CPNE2: variants seen among roughly 807,000 people sequenced by gnomAD.
CPNE2 encodes copine 2, also known as copine-2.
Under a neutral mutation model 69.7 loss-of-function variants are expected in CPNE2, and 42 were observed. The ratio of observed to expected loss-of-function variants is 0.60; its 90% CI spans 0.47 to 0.78. The LOEUF (loss-of-function observed/expected upper bound fraction) is 0.78, where lower values mean the gene tolerates loss of function less well. Among genes scored for constraint, CPNE2 ranks in the 30% least tolerant of loss-of-function variants. The pLI, the probability that CPNE2 is intolerant of heterozygous loss-of-function variation, is 0.00. For synonymous variants in CPNE2, 294 were observed against 289.8 expected (o/e 1.01, Z -0.15); for missense variants, 587 against 732.0 (o/e 0.80, Z 2.29).
At chr16:57,103,824 A>G (rs941539130) in intron 1 of CPNE2, among the ~76,000 whole-genome samples, 7 of 152,218 alleles carry the variant, frequency 4.6e-5, no homozygotes, top group African/African-American at 1.7e-4. Flanking sequence ...GCCATTAAGA[A>G]TCACTGATCA....
intron 14 of CPNE2, among the ~76,000 whole-genome samples, chr16:57,138,548 C>G (rs540403711): frequency 2.0e-5 from 3 of 152,302 alleles, no homozygotes; most frequent in Admixed American, 6.5e-5. Context: ...CACCTAACCC[C>G]CCGTGTGTTC....
chr16:57,132,999 G>C (rs1295141950), intron 12 of CPNE2, among the ~76,000 whole-genome samples: 1 of 152,108 alleles, frequency 6.6e-6, no homozygotes, highest in African/African-American at 2.4e-5. Flanking sequence ...CTATCAGCAG[G>C]GGGCTTTCCC....
At chr16:57,140,539 A>G (rs1371367063) in intron 14 of CPNE2, among the ~76,000 whole-genome samples, 6 of 151,608 alleles carry the variant, frequency 4.0e-5, no homozygotes. Flanking sequence ...TGCAGGCTTA[A>G]TGGGCAGTAA....
chr16:57,133,754 C>T (rs2069856014), intron 12 of CPNE2, among the ~76,000 whole-genome samples: 2 of 152,170 alleles, frequency 1.3e-5, no homozygotes, highest in South Asian at 2.1e-4. Flanking sequence ...CAGCTCTGCC[C>T]GCCAGGAAAT....
At chr16:57,103,522 GCTC>G (rs1179677619) in intron 1 of CPNE2, among the ~76,000 whole-genome samples, 1 of 152,210 alleles carries the variant, frequency 6.6e-6, no homozygotes, top group Non-Finnish European at 1.5e-5. Flanking sequence ...TGTGGTCCCA[GCTC>G]CTCCTCTCCA....
In CPNE2 at chr16:57,132,306, C is replaced by G. The variant is rs78894112; in HGVS notation, c.1117-2469C>G. ...CTTTGGAGATGGCATGAGGTCTTGG[C>G]CCTTCAACGTGAGCAGAGTTACTCA... On this transcript the variant is annotated intron_variant, in intron 12 of 15. Transcript: ENST00000290776. Among the ~76,000 whole-genome samples the G allele has an allele frequency of 9.2e-5, 14 of 152,274 alleles. No homozygotes were observed. The East Asian group carries it at 2.1e-3, about 23-fold the overall frequency.
Position 57,147,941 on chromosome 16 carries a change from T to C in CPNE2, c.*283T>C. ...TGTATAATTTTAGTGGAATTGTTAT[T>C]GAGAATAAAATTTTTACAATCATAA... On this transcript the variant is annotated 3_prime_UTR_variant, in exon 16 of 16. Transcript: ENST00000290776. The C allele has an allele frequency of 3.2e-6, 1 of 317,416 alleles. No homozygotes were observed. The highest frequency in any genetic ancestry group is 5.1e-5 in the East Asian group (1 of 19,546). The allele number at this position is 317,416 out of a possible 1,614,324, so 19.7% of individuals were successfully genotyped here. A position where few individuals can be genotyped will look rare whatever the true frequency, so the allele number is the denominator to read the frequency against.
At position 57,117,574 on chromosome 16, in the gene CPNE2, C is replaced by T. The variant is rs562944644; in HGVS notation, c.507+7C>T. On this transcript the variant is annotated splice_region_variant and intron_variant, in intron 5 of 15. Coordinates refer to ENST00000290776, the MANE Select transcript of CPNE2 (RefSeq NM_152727.6). ...CAGGAGGCTGGACAAGAAGGTAAGGCGGGCAGAGGAAGGGCTCCCATTGGG... is the reference window on the plus strand; with the variant it reads ...CAGGAGGCTGGACAAGAAGGTAAGGTGGGCAGAGGAAGGGCTCCCATTGGG... 68 of 1,613,118 alleles carry T rather than the reference C, an allele frequency of 4.2e-5. 1 individual carries two copies. In the South Asian group the frequency reaches 4.3e-4, roughly 10 times the overall value.
chr16:57,099,785 T>A (rs2069601778), intron 1 of CPNE2, among the ~76,000 whole-genome samples: 1 of 149,806 alleles, frequency 6.7e-6, no homozygotes, highest in Non-Finnish European at 1.5e-5. Flanking sequence ...ATTTTTTTTT[T>A]TTTTTTTTTT....
intron 10 of CPNE2, 142 bp from the exon 11 acceptor site, chr16:57,125,718 A>G: frequency 1.0e-6 from 1 of 986,820 alleles, no homozygotes; most frequent in Non-Finnish European, 1.5e-6. Context: ...GAGCATTTCT[A>G]GGTTTCAGAC....
chr16:57,119,107 G>A (rs2305698), intron 5 of CPNE2, 88 bp from the exon 6 acceptor site: 46,788 of 1,173,732 alleles, frequency 0.04, 1,672 homozygotes, highest in South Asian at 0.14. Context: ...CCTGACACCC[G>A]GCTGGGGAGG....
intron 13 of CPNE2, 24 bp downstream of exon 13, chr16:57,134,850 C>T (rs746163875): frequency 4.3e-6 from 7 of 1,613,430 alleles, no homozygotes; most frequent in Non-Finnish European, 5.9e-6. Flanking sequence ...CCACCTGCAG[C>T]TGCCCTGTGT....
At position 57,121,566 on chromosome 16, in the gene CPNE2, C is replaced by T. The variant is rs143251264; in HGVS notation, c.781-108C>T. The T allele has an allele frequency of 7.4e-4, 793 of 1,073,332 alleles. 8 individuals carry two copies. In the African/African-American group the frequency reaches 0.011, roughly 15 times the overall value. 66.5% of individuals were successfully genotyped at this position (1,073,332 alleles called of 1,614,324 possible). On this transcript the variant is annotated intron_variant, in intron 8 of 15. Coordinates refer to ENST00000290776, the MANE Select transcript of CPNE2 (RefSeq NM_152727.6). Reference sequence around the variant, plus strand: ...ATCCTGGGAGGCTCCCTGGAGGAAGCATGCTGCCCCCATTGTCAAGCCTGT... The same window carrying T: ...ATCCTGGGAGGCTCCCTGGAGGAAGTATGCTGCCCCCATTGTCAAGCCTGT...
Position 57,119,572 on chromosome 16 carries a change from C to T in CPNE2, c.603C>T (p.Tyr201=), listed in dbSNP as rs1400260893. 2 of 1,612,424 alleles carry T rather than the reference C, an allele frequency of 1.2e-6. No homozygotes were observed. The highest frequency in any genetic ancestry group is 1.3e-5 in the African/African-American group (1 of 74,900). ...MLVHRTEVIK[Y]TLDPVWKPFT... is the part of the protein sequence containing the mutation. ...TCTCTGTCCCACAGGTGATCAAGTACACACTGGACCCTGTGTGGAAGCCAT... is the reference window on the plus strand; with the variant it reads ...TCTCTGTCCCACAGGTGATCAAGTATACACTGGACCCTGTGTGGAAGCCAT... Residue 201 remains tyrosine, a synonymous_variant, in exon 7 of 16, where the codon TAC becomes TAT. Transcript: ENST00000290776.
Position 57,130,247 on chromosome 16 carries a change from C to T in CPNE2, c.1116+2344C>T, listed in dbSNP as rs568053722. 4.6e-5 allele frequency among the ~76,000 whole-genome samples: 7 copies of T among 151,950 alleles called. No individual in the cohort carries two copies. The South Asian group carries it at 6.2e-4, about 14-fold the overall frequency. On this transcript the variant is annotated intron_variant, in intron 12 of 15. Transcript: ENST00000290776. This position sits in a 1 kb window ranked among gnomAD's most constrained non-coding sequence, Gnocchi z 4.1. ...TACAAAAATTAGCTAGGTGTGGTGG[C>T]GGGAGTCTGTAATCCCAGCTACTCG...
intron 7 of CPNE2, among the ~76,000 whole-genome samples, chr16:57,120,026 A>G (rs1002096024): frequency 6.6e-6 from 1 of 152,246 alleles, no homozygotes; most frequent in South Asian, 2.1e-4. Context: ...TAATCCCAGC[A>G]CTTTGGGAGG....
chr16:57,103,914 G>A (rs1171911360), intron 1 of CPNE2, among the ~76,000 whole-genome samples: 1 of 152,102 alleles, frequency 6.6e-6, no homozygotes, highest in Non-Finnish European at 1.5e-5. Context: ...TTTTTTGGTT[G>A]TTGTTTTTTG....
intron 1 of CPNE2, among the ~76,000 whole-genome samples, chr16:57,106,697 G>C (rs545358749): frequency 6.9e-6 from 1 of 145,880 alleles, no homozygotes; most frequent in South Asian, 2.1e-4. Flanking sequence ...AAGTGAGGAG[G>C]GGGTAGGTGA....
chr16:57,094,352 G>A (rs775631169), intron 1 of CPNE2, among the ~76,000 whole-genome samples: 2 of 152,164 alleles, frequency 1.3e-5, no homozygotes, highest in Non-Finnish European at 2.9e-5. Flanking sequence ...TCTGCAAGTA[G>A]GGAGCACTTC....
Sources: allele counts gnomAD v4.1 joint callset (sites outside exome capture counted in the v4.1 genomes callset), GRCh38; gene constraint gnomAD v4.1.1; non-coding constraint Gnocchi (gnomAD v3.1); transcripts MANE v1.5; gene names NCBI Gene and HGNC (gene_info 2026-07-23, HGNC 2026-07-21).